The following MKLN1 variants were observed in gnomAD, a reference collection of about 807,000 sequenced individuals.
The protein encoded by MKLN1 is muskelin.
In MKLN1, 18 loss-of-function variants were observed where a neutral mutation model predicts 99.0. The ratio of observed to expected loss-of-function variants is 0.18; its 90% confidence interval spans 0.13 to 0.27. The LOEUF (loss-of-function observed/expected upper bound fraction) is 0.27, where lower values mean the gene tolerates loss of function less well. MKLN1 is among the 10% of genes least tolerant of loss of function. The pLI, the probability that MKLN1 is intolerant of heterozygous loss-of-function variation, is 1.00. For missense variants in MKLN1, 621 were observed against 875.9 expected, an observed-to-expected ratio of 0.71 and a Z score of 3.67; for synonymous variants, 288 against 293.2, an observed-to-expected ratio of 0.98 and a Z score of 0.18.
At chr7:131,389,179 C>T (rs923183130) in intron 4 of MKLN1, among the ~76,000 whole-genome samples, 8 of 152,028 alleles carry the variant, frequency 5.3e-5, no homozygotes, top group East Asian at 1.9e-4. Context: ...CCACAGAGCC[C>T]CTTAAATTTA....
chr7:131,188,377 G>A lies in MKLN1; in HGVS notation c.-296-14480G>A, dbSNP rs1584818946. ...TGTGAATTGGCTGAGAGGTTCTGCT[G>A]ATCTGGGCTGGGCCCAGCTGACCAC... On this transcript the variant is annotated intron_variant, in intron 2 of 7. Transcript: ENST00000416992. Among the ~76,000 whole-genome samples the A allele has an allele frequency of 2.0e-5, 3 of 152,356 alleles. No homozygotes were observed. In the East Asian group the frequency reaches 5.8e-4, roughly 29 times the overall value.
intron 1 of MKLN1, among the ~76,000 whole-genome samples, chr7:131,354,662 AGG>A (rs1799822109): frequency 6.6e-6 from 1 of 152,098 alleles, no homozygotes. Flanking sequence ...TTTTTGAATT[AGG>A]GAGTGTCTTC....
intron 3 of MKLN1, among the ~76,000 whole-genome samples, chr7:131,217,556 G>A (rs1244388234): frequency 6.6e-6 from 1 of 152,142 alleles, no homozygotes; most frequent in Admixed American, 6.5e-5. Flanking sequence ...AAATTAACCA[G>A]GTGTGGTTGT....
intron 2 of MKLN1, among the ~76,000 whole-genome samples, chr7:131,144,006 G>A (rs778429430): frequency 2.6e-5 from 4 of 151,882 alleles, no homozygotes; most frequent in Non-Finnish European, 5.9e-5. Context: ...AATTTCTCTA[G>A]CCCCATAACT....
chr7:131,370,580 A>C (rs895416841), intron 1 of MKLN1, among the ~76,000 whole-genome samples: 1 of 151,710 alleles, frequency 6.6e-6, no homozygotes. Flanking sequence ...AATAGTTGGC[A>C]GTCAGCAATG....
intron 3 of MKLN1, among the ~76,000 whole-genome samples, chr7:131,208,517 C>A (rs1471670944): frequency 1.3e-5 from 2 of 152,104 alleles, no homozygotes; most frequent in Admixed American, 1.3e-4. Context: ...ATTGCCTGAG[C>A]CTGGGAGGTT....
intron 4 of MKLN1, among the ~76,000 whole-genome samples, chr7:131,394,846 A>T (rs945424998): frequency 2.6e-5 from 4 of 152,026 alleles, no homozygotes; most frequent in African/African-American, 9.7e-5. Flanking sequence ...TGTTACATTA[A>T]AATTCACTGG....
chr7:131,422,460 A>AGGAGGATGGCTTGAGCCCAGAAGTT (rs1454835394), intron 8 of MKLN1, among the ~76,000 whole-genome samples: 3 of 152,296 alleles, frequency 2.0e-5, no homozygotes, highest in East Asian at 3.9e-4. Context: ...CTGAGGCTTG[A>AGGAGGATGGCTTGAGCCCAGAAGTT]GGAGGATGGC....
chr7:131,382,423 T>A (rs771012505), intron 2 of MKLN1, among the ~76,000 whole-genome samples: 75 of 152,320 alleles, frequency 4.9e-4, no homozygotes, highest in Non-Finnish European at 9.0e-4. Flanking sequence ...TTTGCATTTT[T>A]AAAATGATTA....
At chr7:131,340,635 T>C (rs576533674) in intron 1 of MKLN1, among the ~76,000 whole-genome samples, 1 of 152,296 alleles carries the variant, frequency 6.6e-6, no homozygotes, top group South Asian at 2.1e-4. Context: ...TCTTCCCAAC[T>C]AGACCAAAAA....
Position 131,380,109 on chromosome 7 carries a change from GA to G in MKLN1, c.168+4619del, listed in dbSNP as rs1259423342. 7.2e-5 allele frequency among the ~76,000 whole-genome samples: 11 copies of G among 152,276 alleles called. No individual in the cohort carries two copies. In the East Asian group the frequency reaches 7.7e-4, roughly 11 times the overall value. On this transcript the variant is annotated intron_variant, in intron 2 of 17. Coordinates refer to ENST00000352689, the MANE Select transcript of MKLN1 (RefSeq NM_013255.5). ...ATGTCTGAAGAGTGAGCGTGAACCA[GA>G]AATAATCTGGCCCTCACAGGGAGTG...
chr7:131,147,415 TCATAAAGAC>T (rs1468926680), intron 2 of MKLN1, among the ~76,000 whole-genome samples: 1 of 152,070 alleles, frequency 6.6e-6, no homozygotes, highest in Non-Finnish European at 1.5e-5. Context: ...TATTCAGTCT[TCATAAAGAC>T]CATGTGAGAT....
In MKLN1 at chr7:131,178,279, CTTTTTTTTTTTTTTTTT is replaced by C. The variant is rs35412933; in HGVS notation, c.-296-24565_-296-24549del. ...TTACAGGCGCCTGCCACATGCCCGG[CTTTTTTTTTTTTTTTTT>C]TTTTTTTTTTTTGTATTTTTAGTAG... On this transcript the variant is annotated intron_variant, in intron 2 of 7. Transcript: ENST00000416992. 1.2e-4 allele frequency among the ~76,000 whole-genome samples: 9 copies of C among 72,558 alleles called. No homozygotes were observed. The East Asian group carries it at 3.2e-3, about 26-fold the overall frequency. 47.6% of individuals were successfully genotyped at this position (72,558 alleles called of 152,430 possible).
At chr7:131,189,979 G>A (rs753482004) in intron 2 of MKLN1, among the ~76,000 whole-genome samples, 1 of 151,992 alleles carries the variant, frequency 6.6e-6, no homozygotes, top group Non-Finnish European at 1.5e-5. Context: ...GTTAACCTTG[G>A]GTGGGTCACA....
intron 1 of MKLN1, among the ~76,000 whole-genome samples, chr7:131,123,690 A>G (rs1456389629): frequency 6.6e-6 from 1 of 152,130 alleles, no homozygotes; most frequent in East Asian, 1.9e-4. Flanking sequence ...TGGGAGGCTG[A>G]GGCAGGAGAA....
At chr7:131,253,602 C>T (rs1490909439) in intron 3 of MKLN1, among the ~76,000 whole-genome samples, 1 of 152,094 alleles carries the variant, frequency 6.6e-6, no homozygotes, top group Non-Finnish European at 1.5e-5. Flanking sequence ...ACCCAGTGGC[C>T]CTGCTTATGA....
chr7:131,355,628 C>CTATATATATATATATATA lies in MKLN1; in HGVS notation c.99-19792_99-19775dup, dbSNP rs58377694. ...AGGCTCTGATTTCTTTAACTTGATA[C>CTATATATATATATATATA]TATATATATATATATATATATGCTT... is the stretch of plus-strand genomic sequence containing the variant. On this transcript the variant is annotated intron_variant, in intron 1 of 17. Coordinates refer to ENST00000352689, the MANE Select transcript of MKLN1 (RefSeq NM_013255.5). Among the ~76,000 whole-genome samples the CTATATATATATATATATA allele has an allele frequency of 5.8e-3, 791 of 136,638 alleles. 8 individuals carry two copies. Among genetic ancestry groups the CTATATATATATATATATA allele is most frequent in the East Asian group, 0.014 (67 of 4,652 alleles). 89.6% of individuals were successfully genotyped at this position (136,638 alleles called of 152,430 possible).
intron 8 of MKLN1, among the ~76,000 whole-genome samples, chr7:131,417,242 A>G (rs931458436): frequency 2.6e-5 from 4 of 152,224 alleles, no homozygotes; most frequent in African/African-American, 9.6e-5. Flanking sequence ...CTACAGAAGT[A>G]CTTTAGAAAT....
At chr7:131,211,018 CA>C (rs1372373834) in intron 3 of MKLN1, among the ~76,000 whole-genome samples, 1 of 151,738 alleles carries the variant, frequency 6.6e-6, no homozygotes, top group African/African-American at 2.4e-5. Context: ...CTAGAGTATA[CA>C]TTTCTATGAA....
Sources: allele counts gnomAD v4.1 joint callset (sites outside exome capture counted in the v4.1 genomes callset), GRCh38; gene constraint gnomAD v4.1.1; transcripts MANE v1.5; gene names NCBI Gene and HGNC (gene_info 2026-07-23, HGNC 2026-07-21).